The following GTF2IRD1 variants were observed in gnomAD, a reference collection of about 807,000 sequenced individuals.
GTF2IRD1 encodes general transcription factor II-I repeat domain-containing protein 1.
Under a neutral mutation model 113.2 loss-of-function variants are expected in GTF2IRD1, and 26 were observed. The ratio of observed to expected loss-of-function variants is 0.23; its 90% CI spans 0.17 to 0.32. The LOEUF (loss-of-function observed/expected upper bound fraction) is 0.32, where lower values mean the gene tolerates loss of function less well. Ranked by LOEUF, GTF2IRD1 falls within the 10% of genes least tolerant of loss-of-function variation. The pLI is 1.00. For missense variants in GTF2IRD1, 864 were observed against 1,280.8 expected, an observed-to-expected ratio of 0.67 and a Z score of 4.97; for synonymous variants, 484 against 529.1, an observed-to-expected ratio of 0.91 and a Z score of 1.17.
At chr7:74,553,772 G>A (rs587692348) in intron 17 of GTF2IRD1, among the ~76,000 whole-genome samples, 1 of 152,216 alleles carries the variant, frequency 6.6e-6, no homozygotes, top group East Asian at 1.9e-4. Context: ...CTCTGGCCTG[G>A]GACTCAGGGG....
intron 2 of GTF2IRD1, among the ~76,000 whole-genome samples, chr7:74,509,615 A>G (rs572559975): frequency 6.6e-6 from 1 of 152,316 alleles, no homozygotes; most frequent in Admixed American, 6.5e-5. Context: ...AGGATGATGA[A>G]GCACAGAGAG....
chr7:74,480,174 T>G (rs1156390590), intron 1 of GTF2IRD1, among the ~76,000 whole-genome samples: 3 of 152,156 alleles, frequency 2.0e-5, no homozygotes, highest in Non-Finnish European at 4.4e-5. Flanking sequence ...GTAGTCTATT[T>G]TTTTGGTCAT....
chr7:74,561,734 G>A (rs587647848), intron 22 of GTF2IRD1, among the ~76,000 whole-genome samples: 109 of 152,214 alleles, frequency 7.2e-4, no homozygotes, highest in African/African-American at 2.2e-3. Flanking sequence ...TGCTTTATGC[G>A]GGTGCCTTTC....
At chr7:74,522,707 C>T (rs1584593699) in intron 7 of GTF2IRD1, among the ~76,000 whole-genome samples, 1 of 152,316 alleles carries the variant, frequency 6.6e-6, no homozygotes, top group Middle Eastern at 3.4e-3. Flanking sequence ...GCCAGGGACA[C>T]AAGCTGGGAT....
At chr7:74,491,416 T>C (rs1383592628) in intron 1 of GTF2IRD1, among the ~76,000 whole-genome samples, 1 of 151,610 alleles carries the variant, frequency 6.6e-6, no homozygotes, top group East Asian at 1.9e-4. Context: ...ACAGATTCTT[T>C]TTTCACCCAG....
intron 14 of GTF2IRD1, among the ~76,000 whole-genome samples, chr7:74,542,975 G>T (rs1179003716): frequency 6.6e-6 from 1 of 152,148 alleles, no homozygotes; most frequent in South Asian, 2.1e-4. Flanking sequence ...TCCCATGCAG[G>T]GTTCCTTCCC....
chr7:74,473,343 G>T (rs1433810746), intron 1 of GTF2IRD1, among the ~76,000 whole-genome samples: 3 of 152,114 alleles, frequency 2.0e-5, no homozygotes, highest in African/African-American at 7.2e-5. Context: ...TTCTGGTATT[G>T]CTGTGTCCAC....
chr7:74,577,299 A>C (rs1295970432), intron 22 of GTF2IRD1, among the ~76,000 whole-genome samples: 1 of 152,126 alleles, frequency 6.6e-6, no homozygotes, highest in Non-Finnish European at 1.5e-5. Flanking sequence ...TCAGCCTCCC[A>C]AAGTGGTGGG....
intron 1 of GTF2IRD1, among the ~76,000 whole-genome samples, chr7:74,456,962 C>T (rs1554327560): frequency 6.6e-6 from 1 of 150,712 alleles, no homozygotes. Context: ...CATGGTTCCA[C>T]CTTTATATCC....
intron 6 of GTF2IRD1, among the ~76,000 whole-genome samples, chr7:74,520,360 C>T (rs1035125204): frequency 6.6e-6 from 1 of 152,050 alleles, no homozygotes; most frequent in Non-Finnish European, 1.5e-5. Flanking sequence ...ATCCTGGCTC[C>T]TCTACTTAGT....
intron 1 of GTF2IRD1, among the ~76,000 whole-genome samples, chr7:74,461,295 C>G (rs1418127953): frequency 6.6e-6 from 1 of 152,144 alleles, no homozygotes; most frequent in African/African-American, 2.4e-5. Context: ...AGCCCTTTCC[C>G]CTCCTGTTCC....
intron 1 of GTF2IRD1, among the ~76,000 whole-genome samples, chr7:74,459,916 C>T (rs939737359): frequency 2.7e-5 from 4 of 149,202 alleles, no homozygotes; most frequent in African/African-American, 7.4e-5. Context: ...GTGGAGGCCC[C>T]GGGGATGATC....
intron 9 of GTF2IRD1, among the ~76,000 whole-genome samples, chr7:74,531,497 A>G (rs1317860736): frequency 6.6e-6 from 1 of 152,176 alleles, no homozygotes; most frequent in Non-Finnish European, 1.5e-5. Context: ...CAGAGCCTCC[A>G]AGTACACTTT....
chr7:74,505,025 ATTT>A (rs1320401155), intron 1 of GTF2IRD1, among the ~76,000 whole-genome samples: 1 of 150,234 alleles, frequency 6.7e-6, no homozygotes, highest in African/African-American at 2.5e-5. Context: ...CAGAATTTTT[ATTT>A]TTTATTTAAA....
At chr7:74,590,392 ATT>A (rs879995607) in intron 23 of GTF2IRD1, among the ~76,000 whole-genome samples, 6 of 122,130 alleles carry the variant, frequency 4.9e-5, no homozygotes, top group African/African-American at 1.2e-4. Context: ...GTAGGTCTTG[ATT>A]TTTTTTTTTT....
Position 74,545,772 on chromosome 7 carries a change from G to T in GTF2IRD1, c.1695G>T (p.Leu565=). 8 of 1,613,296 alleles carry T rather than the reference G, an allele frequency of 5.0e-6. No individual in the cohort carries two copies. The highest frequency in any genetic ancestry group is 6.8e-6 in the Non-Finnish European group (8 of 1,179,872). ...GCCACGGTGACGTGATCCGGCCCCT[G>T]CGGAAGCAGGTGGAGCTGCTCTTCA... ...EDSHGDVIRP[L]RKQVELLFNT... The change falls in exon 16 of 27, where the codon CTG becomes CTT. Residue 565 remains leucine (L), a synonymous_variant. Transcript: ENST00000424337.
intron 13 of GTF2IRD1, among the ~76,000 whole-genome samples, chr7:74,539,111 T>C (rs1384647644): frequency 6.6e-6 from 1 of 152,116 alleles, no homozygotes; most frequent in Non-Finnish European, 1.5e-5. Context: ...GAGGAGAGGA[T>C]AGATTTGGGC....
intron 5 of GTF2IRD1, among the ~76,000 whole-genome samples, chr7:74,519,176 G>A (rs73135366): frequency 0.022 from 3,379 of 152,308 alleles, 79 homozygotes; most frequent in East Asian, 0.076. Context: ...GTGGATTGGA[G>A]CAGAGGGGCA....
intron 1 of GTF2IRD1, among the ~76,000 whole-genome samples, chr7:74,477,089 C>T (rs1794458470): frequency 6.6e-6 from 1 of 152,038 alleles, no homozygotes; most frequent in Non-Finnish European, 1.5e-5. Flanking sequence ...CGGGGCTGGG[C>T]GTGGTGGATC....
Sources: gnomAD v4.1 joint callset for allele counts (sites outside exome capture counted in the v4.1 genomes callset) on GRCh38, gnomAD v4.1.1 for gene constraint, MANE v1.5 for transcripts, NCBI Gene and HGNC (gene_info 2026-07-23, HGNC 2026-07-21) for gene names.